Variants in ASIC2 observed in about 807,000 individuals in gnomAD.
ASIC2 encodes acid-sensing ion channel 2.
In ASIC2, 25 loss-of-function variants were observed where a neutral mutation model predicts 57.3. The observed-to-expected ratio is 0.44, with a 90% CI of 0.32 to 0.61. The LOEUF (loss-of-function observed/expected upper bound fraction) is 0.61, where lower values mean the gene tolerates loss of function less well. Ranked by LOEUF, ASIC2 falls within the 20% of genes least tolerant of loss-of-function variation. The pLI, the probability that ASIC2 is intolerant of heterozygous loss-of-function variation, is 0.06. For synonymous variants in ASIC2, 319 were observed against 307.5 expected, an observed-to-expected ratio of 1.04 and a Z score of -0.39; for missense variants, 641 against 738.1, an observed-to-expected ratio of 0.87 and a Z score of 1.52.
intron 1 of ASIC2, among the ~76,000 whole-genome samples, chr17:33,891,415 G>A (rs1363295645): frequency 6.6e-6 from 1 of 152,040 alleles, no homozygotes; most frequent in Admixed American, 6.6e-5. Context: ...ATTATACTTG[G>A]GCATGAGGTC....
chr17:33,370,540 A>G (rs377254046), intron 1 of ASIC2, among the ~76,000 whole-genome samples: 22 of 152,334 alleles, frequency 1.4e-4, no homozygotes, highest in African/African-American at 5.3e-4. Context: ...AACCAAAGCA[A>G]GGTCTGTTAC....
intron 1 of ASIC2, among the ~76,000 whole-genome samples, chr17:34,110,207 T>C (rs1460724620): frequency 6.6e-6 from 1 of 152,132 alleles, no homozygotes; most frequent in Non-Finnish European, 1.5e-5. Flanking sequence ...TTGCCTATCT[T>C]ATAGGGTGGG....
intron 1 of ASIC2, among the ~76,000 whole-genome samples, chr17:34,012,968 G>A (rs1344876324): frequency 6.6e-6 from 1 of 152,114 alleles, no homozygotes; most frequent in African/African-American, 2.4e-5. Context: ...TCCCCACCTG[G>A]CTCTGGAGGA....
intron 1 of ASIC2, among the ~76,000 whole-genome samples, chr17:33,144,209 T>C (rs1173508065): frequency 6.6e-6 from 1 of 151,876 alleles, no homozygotes; most frequent in African/African-American, 2.4e-5. Flanking sequence ...GTTTAGAGAC[T>C]GCTCAGTTTC....
intron 2 of ASIC2, among the ~76,000 whole-genome samples, chr17:33,095,943 G>A (rs1212247411): frequency 6.6e-6 from 1 of 152,198 alleles, no homozygotes; most frequent in Non-Finnish European, 1.5e-5. Flanking sequence ...CATGGGGAGG[G>A]GCTTGGCCCA....
intron 1 of ASIC2, among the ~76,000 whole-genome samples, chr17:33,768,728 A>C (rs1378489648): frequency 6.6e-6 from 1 of 152,060 alleles, no homozygotes; most frequent in Non-Finnish European, 1.5e-5. Context: ...ATGCCTTCGA[A>C]CCAATTGTAT....
rs62068321 is a variant in ASIC2 at position 33,102,985 on chromosome 17, A to G, written c.859+8932T>C. The stretch of plus-strand genomic sequence containing the variant: ...TTTTCAGTAGAGACAGGGTTTCACC[A>G]TGTTCGCCAGGATGGTCTTGATCTC... On this transcript the variant is annotated intron_variant, in intron 2 of 9. Coordinates refer to ENST00000225823, the MANE Select transcript of ASIC2 (RefSeq NM_183377.2). 6.4e-3 allele frequency among the ~76,000 whole-genome samples: 974 copies of G among 152,142 alleles called. 4 individuals are homozygous for G. Among genetic ancestry groups the G allele is most frequent in the Non-Finnish European group, 0.01 (702 of 67,996 alleles).
chr17:33,292,092 C>G lies in ASIC2; in HGVS notation c.24G>C (p.Gly8=). The stretch of plus-strand genomic sequence containing the variant: ...GGCCGGTGAGCGCGGCTGCGGGCAG[C>G]CCGGCTCCGCCAATCCGGCTCATTC... MSRIGGA[G]LPAAALTGPG... Residue 8 remains glycine (G), a synonymous_variant, in exon 1 of 10, where the codon GGG becomes GGC. Transcript: ENST00000225823. The G allele has an allele frequency of 9.5e-7, 1 of 1,049,340 alleles. No homozygotes were observed. The highest frequency in any genetic ancestry group is 1.1e-6 in the Non-Finnish European group (1 of 873,926). The allele number at this position is 1,049,340 out of a possible 1,614,324, so 65.0% of individuals were successfully genotyped here. A position where few individuals can be genotyped will look rare whatever the true frequency, so the allele number is the denominator to read the frequency against.
chr17:34,083,468 T>G (rs889037730), intron 1 of ASIC2, among the ~76,000 whole-genome samples: 1 of 151,748 alleles, frequency 6.6e-6, no homozygotes, highest in Admixed American at 6.6e-5. Flanking sequence ...TTGTGAATAG[T>G]GCCACAATAA....
chr17:33,365,486 G>A (rs778949166), intron 1 of ASIC2, among the ~76,000 whole-genome samples: 54 of 151,906 alleles, frequency 3.6e-4, no homozygotes, highest in Non-Finnish European at 7.2e-4. Flanking sequence ...TAGAAGATTC[G>A]TTCATTATCA....
intron 1 of ASIC2, among the ~76,000 whole-genome samples, chr17:34,022,356 G>T (rs1011403487): frequency 6.6e-6 from 1 of 152,058 alleles, no homozygotes; most frequent in African/African-American, 2.4e-5. Context: ...CCCAGGGTAC[G>T]GTTTTGGACA....
chr17:33,027,288 T>A (rs2091863243), intron 4 of ASIC2, among the ~76,000 whole-genome samples: 1 of 152,196 alleles, frequency 6.6e-6, no homozygotes, highest in Non-Finnish European at 1.5e-5. Context: ...CTGATTAGAT[T>A]TGGGCCCACC....
chr17:33,836,039 A>G (rs1302423023), intron 1 of ASIC2, among the ~76,000 whole-genome samples: 1 of 149,686 alleles, frequency 6.7e-6, no homozygotes, highest in Non-Finnish European at 1.5e-5. Context: ...TACACACATG[A>G]ATAATTATGT....
At chr17:34,118,956 A>C (rs920811561) in intron 1 of ASIC2, 5 of 152,232 alleles carry the variant, frequency 3.3e-5, no homozygotes, top group African/African-American at 1.2e-4. Flanking sequence ...TCATTGTATT[A>C]CATAGACATT....
intron 1 of ASIC2, among the ~76,000 whole-genome samples, chr17:34,030,404 T>A (rs967626691): frequency 1.3e-5 from 2 of 152,188 alleles, no homozygotes; most frequent in Non-Finnish European, 2.9e-5. Flanking sequence ...TAGGAACAGC[T>A]CCGGTCTACA....
At chr17:33,851,923 T>C (rs922380802) in intron 1 of ASIC2, among the ~76,000 whole-genome samples, 1 of 152,250 alleles carries the variant, frequency 6.6e-6, no homozygotes, top group African/African-American at 2.4e-5. Context: ...AATGAGAATC[T>C]TGTTGCTGTT....
chr17:33,648,835 A>G (rs1460604549), intron 1 of ASIC2, among the ~76,000 whole-genome samples: 2 of 152,240 alleles, frequency 1.3e-5, no homozygotes, highest in Non-Finnish European at 2.9e-5. Flanking sequence ...TTTAGAAACT[A>G]TAAAACTGTA....
intron 1 of ASIC2, among the ~76,000 whole-genome samples, chr17:33,211,748 A>C (rs1907283341): frequency 1.3e-5 from 2 of 152,186 alleles, no homozygotes; most frequent in Non-Finnish European, 1.5e-5. Flanking sequence ...TTCCAGGATA[A>C]TGGAGTCCTG....
In ASIC2 at chr17:33,464,995, T is replaced by C. The variant is rs900678400; in HGVS notation, c.556-352928A>G. On this transcript the variant is annotated intron_variant, in intron 1 of 9. Coordinates refer to the ASIC2 transcript ENST00000359872. ...AGTCCATTTGAATACAAAAATACTA[T>C]GGAATTCCATTAAGATAATGTCTGG... 5.3e-5 allele frequency among the ~76,000 whole-genome samples: 8 copies of C among 152,250 alleles called. No homozygotes were observed. The East Asian group carries it at 9.7e-4, about 18-fold the overall frequency.
Sources: gnomAD v4.1 joint callset for allele counts (sites outside exome capture counted in the v4.1 genomes callset) on GRCh38, gnomAD v4.1.1 for gene constraint, MANE v1.5 for transcripts, NCBI Gene and HGNC (gene_info 2026-07-23, HGNC 2026-07-21) for gene names.